SEC16B: variants seen among roughly 807,000 people sequenced by gnomAD.
SEC16B encodes the protein protein transport protein Sec16B.
In SEC16B, 115 loss-of-function variants were observed where a neutral mutation model predicts 141.8. The observed-to-expected ratio is 0.81, with a 90% confidence interval of 0.70 to 0.95. The LOEUF is 0.95. Among genes scored for constraint, SEC16B ranks in the 40% least tolerant of loss-of-function variants. The pLI is 0.00. For missense variants in SEC16B, 1,291 were observed against 1,312.3 expected (o/e 0.98, Z 0.25); for synonymous variants, 493 against 492.5 (o/e 1.00, Z -0.01).
intron 1 of SEC16B, among the ~76,000 whole-genome samples, chr1:177,976,952 G>T (rs1270322605): frequency 2.0e-5 from 3 of 152,146 alleles, no homozygotes; most frequent in African/African-American, 7.2e-5. Flanking sequence ...TTAAGAAAAT[G>T]CAGCCCAGTG....
At chr1:177,942,184 C>T in intron 15 of SEC16B, 144 bp from the exon 16 acceptor site, 3 of 882,918 alleles carry the variant, frequency 3.4e-6, no homozygotes, top group Non-Finnish European at 5.1e-6. Flanking sequence ...CCATTTGGAG[C>T]ATTTTATCTA....
chr1:177,935,662 G>GAAAAAAAAAAAAAAAAAAAAA (rs60983376), intron 20 of SEC16B, among the ~76,000 whole-genome samples: 1 of 141,364 alleles, frequency 7.1e-6, no homozygotes, highest in Non-Finnish European at 1.5e-5. Context: ...CTTCAGTCAG[G>GAAAAAAAAAAAAAAAAAAAAA]AAAAAAAAAA....
At chr1:177,959,578 G>C (rs889162674) in intron 8 of SEC16B, 1 of 157,442 alleles carries the variant, frequency 6.4e-6, no homozygotes, top group Non-Finnish European at 1.4e-5. Flanking sequence ...TTTTACTTGA[G>C]GGAACCGTCA....
Position 177,959,280 on chromosome 1 carries a change from T to C in SEC16B, c.999-305A>G, listed in dbSNP as rs961733588. The stretch of plus-strand genomic sequence containing the variant: ...CTTTGGAGTCAGACAACCCTGGATC[T>C]AAATCTGGCTCTGCCACTTCTCTGT... On this transcript the variant is annotated intron_variant, in intron 8 of 25. Coordinates refer to ENST00000308284, the MANE Select transcript of SEC16B (RefSeq NM_033127.4). 35 of 384,570 alleles carry C rather than the reference T, an allele frequency of 9.1e-5. 1 individual carries two copies. Among genetic ancestry groups the C allele is most frequent in the African/African-American group, 7.2e-4 (35 of 48,444 alleles). 23.8% of individuals were successfully genotyped at this position (384,570 alleles called of 1,614,324 possible).
intron 1 of SEC16B, among the ~76,000 whole-genome samples, chr1:177,978,967 T>C (rs1654291784): frequency 6.6e-6 from 1 of 152,160 alleles, no homozygotes; most frequent in Non-Finnish European, 1.5e-5. Flanking sequence ...CTTAGCTCAT[T>C]ATTTTCATTA....
chr1:177,942,777 T>G (rs1651381399), intron 15 of SEC16B, among the ~76,000 whole-genome samples: 1 of 151,864 alleles, frequency 6.6e-6, no homozygotes, highest in Non-Finnish European at 1.5e-5. Context: ...CAGGGCAGGA[T>G]CAAGTGTGAG....
At chr1:177,961,419 T>G (rs1571342710) in intron 6 of SEC16B, 171 bp downstream of exon 6, 1 of 629,136 alleles carries the variant, frequency 1.6e-6, no homozygotes, top group Non-Finnish European at 2.6e-6. Context: ...CAATTACTAT[T>G]ACAAGCAAAA....
At chr1:177,973,602 A>G (rs1654049078), upstream of SEC16B, among the ~76,000 whole-genome samples, 1 of 152,190 alleles carries the variant, frequency 6.6e-6, no homozygotes, top group South Asian at 2.1e-4. Context: ...AGATTGATTA[A>G]CTGTGCTCAG....
rs544651055 is a variant in SEC16B at position 177,966,162 on chromosome 1, C to G, written c.300-157G>C. On this transcript the variant is annotated intron_variant, in intron 2 of 25. Transcript: ENST00000308284. Reference sequence around the variant, plus strand: ...CACAGTTAATTCTAGATCCTGTAAACAGAATCAAAGCAGGAGTCAGGCCTT... The same window carrying G: ...CACAGTTAATTCTAGATCCTGTAAAGAGAATCAAAGCAGGAGTCAGGCCTT... Among the ~76,000 whole-genome samples, 5 of 152,260 alleles carry G rather than the reference C, an allele frequency of 3.3e-5. No individual in the cohort carries two copies. In the East Asian group the frequency reaches 9.7e-4, roughly 29 times the overall value.
intron 5 of SEC16B, 138 bp from the exon 6 acceptor site, chr1:177,961,872 C>T: frequency 1.2e-6 from 1 of 847,488 alleles, no homozygotes; most frequent in Non-Finnish European, 1.8e-6. Flanking sequence ...AGTTGATAGG[C>T]ATTTGCCAAA....
intron 15 of SEC16B, among the ~76,000 whole-genome samples, chr1:177,943,166 G>A (rs542369667): frequency 1.0e-3 from 152 of 152,278 alleles, no homozygotes; most frequent in Middle Eastern, 3.4e-3. Context: ...ATAACTGACA[G>A]GTGGGATGAA....
intron 1 of SEC16B, among the ~76,000 whole-genome samples, 199 bp downstream of exon 1, chr1:177,969,685 T>G (rs1251035256): frequency 6.6e-6 from 1 of 152,132 alleles, no homozygotes; most frequent in Non-Finnish European, 1.5e-5. Context: ...AAATCAGTCC[T>G]CAGATTAAGG....
At chr1:177,979,044 AGT>A (rs1654295180) in intron 1 of SEC16B, among the ~76,000 whole-genome samples, 1 of 152,130 alleles carries the variant, frequency 6.6e-6, no homozygotes, top group South Asian at 2.1e-4. Context: ...AAATTCACAG[AGT>A]GTGTCAGTAC....
rs760397098 is a variant in SEC16B at position 177,939,702 on chromosome 1, C to CTGT, written c.2200_2202dup (p.Thr734dup). 29 of 1,587,762 alleles carry CTGT rather than the reference C, an allele frequency of 1.8e-5. No homozygotes were observed. The African/African-American group carries it at 3.5e-4, about 19-fold the overall frequency. The stretch of plus-strand genomic sequence containing the variant: ...ATGCTCAGTTCATCATTTTGGGTAC[C>CTGT]TGTTGTTGTTCCTCCGGCTCCCGAA... On this transcript the variant is annotated inframe_insertion and splice_region_variant, in exon 18 of 26. Transcript: ENST00000308284.
Position 177,946,116 on chromosome 1 carries a change from A to C in SEC16B, c.1775+304T>G. On this transcript the variant is annotated intron_variant, in intron 14 of 25. Coordinates refer to ENST00000308284, the MANE Select transcript of SEC16B (RefSeq NM_033127.4). ...TGTAAAATGTTGTTTTTTTAAAGGAACAAAGTTAGCTTGTGGAGCCAGGGT... is the reference window on the plus strand; with the variant it reads ...TGTAAAATGTTGTTTTTTTAAAGGACCAAAGTTAGCTTGTGGAGCCAGGGT... The C allele has an allele frequency of 5.2e-6, 3 of 574,446 alleles. No individual in the cohort carries two copies. In the South Asian group the frequency reaches 6.9e-5, roughly 13 times the overall value. 35.6% of individuals were successfully genotyped at this position (574,446 alleles called of 1,614,324 possible). A position where few individuals can be genotyped will look rare whatever the true frequency, so the allele number is the denominator to read the frequency against.
At position 177,929,877 on chromosome 1, in the gene SEC16B, T is replaced by C; in HGVS notation, c.3164A>G (p.Tyr1055Cys). The change falls in exon 26 of 26, where the codon TAT (tyrosine) becomes TGT (cysteine). Residue 1055 changes from tyrosine (Y) to cysteine (C), a missense_variant. Tyr to Cys is a radical substitution (Grantham distance 194, BLOSUM62 -2). Around this residue, in one of 3 missense-constraint regions of SEC16B, gnomAD observed 605 missense variants for 614.1 expected, o/e 0.99. Coordinates refer to ENST00000308284, the MANE Select transcript of SEC16B (RefSeq NM_033127.4). ...TTATTCTCAGCATGGCTGGGTGGGA[T>C]AGCGACGCTGAGCTAGGCGATTTGG... ...NRPNRLAQRR[Y>C]PTQPC is the part of the protein sequence containing the mutation. 2 of 1,613,916 alleles carry C rather than the reference T, an allele frequency of 1.2e-6. No individual in the cohort carries two copies. The highest frequency in any genetic ancestry group is 2.2e-5 in the East Asian group (1 of 44,872).
chr1:177,965,692 A>G (rs966092757), intron 3 of SEC16B, among the ~76,000 whole-genome samples: 10 of 152,220 alleles, frequency 6.6e-5, no homozygotes, highest in African/African-American at 2.4e-4. Flanking sequence ...CAGTACCATC[A>G]TCTATGCATA....
rs1335504150 is a variant in SEC16B at position 177,932,364 on chromosome 1, A to C, written c.3012+126T>G. 4.5e-6 allele frequency: 3 copies of C among 660,688 alleles called. No homozygotes were observed. The African/African-American group carries it at 5.7e-5, about 12-fold the overall frequency. The allele number at this position is 660,688 out of a possible 1,614,324, so 40.9% of individuals were successfully genotyped here. A position where few individuals can be genotyped will look rare whatever the true frequency, so the allele number is the denominator to read the frequency against. ...GGTACTTTGTTATGACAGCCTGAGC[A>C]AACTAACACAGCAGAGAAGCATTCT... On this transcript the variant is annotated intron_variant, in intron 24 of 25. Transcript: ENST00000308284.
chr1:177,951,027 G>A (rs935510531), intron 12 of SEC16B, among the ~76,000 whole-genome samples: 4 of 145,508 alleles, frequency 2.7e-5, no homozygotes, highest in Non-Finnish European at 4.5e-5. Context: ...AAAGGAGGGA[G>A]GGAGGGAGGA....
Sources: allele counts gnomAD v4.1 joint callset (sites outside exome capture counted in the v4.1 genomes callset), GRCh38; gene constraint gnomAD v4.1.1; regional missense constraint gnomAD v4.1.1; transcripts MANE v1.5; gene names NCBI Gene and HGNC (gene_info 2026-07-23, HGNC 2026-07-21).